RAD51B: variants seen among roughly 807,000 people sequenced by gnomAD.
The protein encoded by RAD51B is DNA repair protein RAD51 homolog 2.
In RAD51B, 38 loss-of-function variants were observed where a neutral mutation model predicts 42.2. That is an observed-to-expected ratio of 0.90 (90% CI 0.70 to 1.18). RAD51B has a LOEUF of 1.18. Ranked by LOEUF, RAD51B falls within the 50% of genes most tolerant of loss-of-function variation. The probability of loss-of-function intolerance (pLI) is 0.00; values close to 1 mark genes in which losing one functional copy is unlikely to be tolerated. For synonymous variants in RAD51B, 154 were observed against 145.2 expected (o/e 1.06, Z -0.43); for missense variants, 373 against 400.7 (o/e 0.93, Z 0.59).
chr14:68,580,997 TC>T (rs1227058186), intron 10 of RAD51B, among the ~76,000 whole-genome samples: 3 of 152,220 alleles, frequency 2.0e-5, no homozygotes, highest in African/African-American at 4.8e-5. Context: ...TCAGTTTTTT[TC>T]ATAAGCATTA....
intron 7 of RAD51B, among the ~76,000 whole-genome samples, chr14:67,986,507 A>G (rs890018459): frequency 1.3e-4 from 20 of 152,192 alleles, no homozygotes; most frequent in African/African-American, 4.1e-4. Context: ...CTTTGCAATA[A>G]CGTTTGACCT....
intron 10 of RAD51B, among the ~76,000 whole-genome samples, chr14:68,551,099 T>C (rs1007426601): frequency 2.6e-5 from 4 of 152,118 alleles, no homozygotes; most frequent in Non-Finnish European, 5.9e-5. Flanking sequence ...AATTCCATTC[T>C]TCCGGAGGCC....
chr14:68,342,668 C>G (rs1156415741), intron 8 of RAD51B, among the ~76,000 whole-genome samples: 1 of 152,160 alleles, frequency 6.6e-6, no homozygotes, highest in Non-Finnish European at 1.5e-5. Flanking sequence ...TGAAGCCCAT[C>G]AAGTGAAAGC....
At chr14:68,366,034 A>T (rs1289746550) in intron 8 of RAD51B, among the ~76,000 whole-genome samples, 1 of 152,200 alleles carries the variant, frequency 6.6e-6, no homozygotes, top group Non-Finnish European at 1.5e-5. Flanking sequence ...CTTTTTGATA[A>T]ATTAAAAATA....
chr14:67,825,738 A>T (rs541662058), intron 3 of RAD51B, among the ~76,000 whole-genome samples, 161 bp downstream of exon 3: 11 of 150,536 alleles, frequency 7.3e-5, no homozygotes, highest in South Asian at 2.1e-4. Flanking sequence ...ACATGTGAAA[A>T]TTTTTTTTTT....
chr14:68,370,716 T>C (rs1355412031), intron 8 of RAD51B, among the ~76,000 whole-genome samples: 2 of 152,074 alleles, frequency 1.3e-5, no homozygotes, highest in African/African-American at 4.8e-5. Flanking sequence ...CCTTACAAAA[T>C]CTGCAAACAG....
chr14:67,860,152 T>C (rs1566928357), intron 4 of RAD51B, among the ~76,000 whole-genome samples: 1 of 152,176 alleles, frequency 6.6e-6, no homozygotes, highest in Non-Finnish European at 1.5e-5. Flanking sequence ...ACAAATACTT[T>C]GAGAAGTTGC....
At chr14:68,346,880 G>T (rs985242714) in intron 8 of RAD51B, among the ~76,000 whole-genome samples, 2 of 152,054 alleles carry the variant, frequency 1.3e-5, no homozygotes, top group Non-Finnish European at 2.9e-5. Context: ...TATGGTCTAG[G>T]ATAGTTTACA....
intron 7 of RAD51B, among the ~76,000 whole-genome samples, chr14:68,086,249 C>T (rs2076982322): frequency 6.6e-6 from 1 of 152,180 alleles, no homozygotes. Flanking sequence ...CAGCCAAACT[C>T]CGCGTTGTTG....
At chr14:68,176,714 AG>A (rs1326215116) in intron 7 of RAD51B, among the ~76,000 whole-genome samples, 1 of 152,166 alleles carries the variant, frequency 6.6e-6, no homozygotes, top group Non-Finnish European at 1.5e-5. Flanking sequence ...AACACAAAAA[AG>A]GGTAAACTTT....
At chr14:68,151,759 A>G (rs1017807108) in intron 7 of RAD51B, among the ~76,000 whole-genome samples, 5 of 150,508 alleles carry the variant, frequency 3.3e-5, no homozygotes, top group Middle Eastern at 3.4e-3. Context: ...TACCACTAGA[A>G]ATTTGATTTG....
intron 10 of RAD51B, among the ~76,000 whole-genome samples, chr14:68,632,027 A>G (rs1375448796): frequency 1.3e-5 from 2 of 152,246 alleles, no homozygotes; most frequent in South Asian, 4.1e-4. Flanking sequence ...AGACCTCTTC[A>G]GCAAAACACT....
intron 7 of RAD51B, among the ~76,000 whole-genome samples, chr14:68,101,183 A>G (rs1566645786): frequency 6.6e-6 from 1 of 152,182 alleles, no homozygotes; most frequent in East Asian, 1.9e-4. Flanking sequence ...CTCATGACAC[A>G]TGGGGATAAG....
At chr14:68,128,912 A>C (rs11158720) in intron 7 of RAD51B, among the ~76,000 whole-genome samples, 2 of 152,074 alleles carry the variant, frequency 1.3e-5, no homozygotes, top group African/African-American at 4.8e-5. Flanking sequence ...TTTCCTAGAG[A>C]TGAGAAGGTA....
chr14:68,417,575 A>ATTGGCAC (rs1197435181), intron 9 of RAD51B, among the ~76,000 whole-genome samples: 1 of 152,208 alleles, frequency 6.6e-6, no homozygotes, highest in East Asian at 1.9e-4. Flanking sequence ...CAGGCAATGT[A>ATTGGCAC]TTGGCACTAG....
At chr14:68,631,917 T>G (rs1892237059) in intron 10 of RAD51B, among the ~76,000 whole-genome samples, 2 of 152,192 alleles carry the variant, frequency 1.3e-5, no homozygotes, top group Admixed American at 1.3e-4. Flanking sequence ...AGTTTGAAGA[T>G]GAGATTTCTT....
At chr14:68,578,375 C>T (rs1163098332) in intron 10 of RAD51B, among the ~76,000 whole-genome samples, 1 of 152,128 alleles carries the variant, frequency 6.6e-6, no homozygotes, top group Non-Finnish European at 1.5e-5. Flanking sequence ...TGCACCATTG[C>T]ACTCCAGCTT....
At chr14:67,969,075 G>A (rs2074844265) in intron 7 of RAD51B, among the ~76,000 whole-genome samples, 1 of 152,172 alleles carries the variant, frequency 6.6e-6, no homozygotes, top group South Asian at 2.1e-4. Context: ...CAGATCTCAT[G>A]AGACTTATTC....
chr14:67,901,130 T>C (rs2043598124), intron 7 of RAD51B, among the ~76,000 whole-genome samples: 1 of 152,216 alleles, frequency 6.6e-6, no homozygotes, highest in Non-Finnish European at 1.5e-5. Flanking sequence ...AAGCCTTCTG[T>C]GGGTTCTGCC....
Sources: allele counts gnomAD v4.1 joint callset (sites outside exome capture counted in the v4.1 genomes callset), GRCh38; gene constraint gnomAD v4.1.1; transcripts MANE v1.5; gene names NCBI Gene and HGNC (gene_info 2026-07-23, HGNC 2026-07-21).